The following ARHGAP6 variants were observed in gnomAD, a reference collection of about 807,000 sequenced individuals.
ARHGAP6 encodes Rho GTPase activating protein 6, also known as rho GTPase-activating protein 6.
ARHGAP6 carries 16 observed loss-of-function variants against 55.7 expected under a neutral mutation model. The observed-to-expected ratio is 0.29, with a 90% confidence interval of 0.19 to 0.44. The LOEUF (loss-of-function observed/expected upper bound fraction) is 0.44. Ranked by LOEUF, ARHGAP6 falls within the 20% of genes least tolerant of loss-of-function variation. The probability of loss-of-function intolerance (pLI) is 1.00; values close to 1 mark genes in which losing one functional copy is unlikely to be tolerated. For synonymous variants in ARHGAP6, 382 were observed against 360.9 expected (o/e 1.06, Z -0.66); for missense variants, 698 against 808.9 (o/e 0.86, Z 1.66).
rs754403037 is a variant in ARHGAP6 at position 11,505,204 on chromosome X, C to T, written c.588+159037G>A. ...TGGCAGCCTAGGCAGGTTGTGTTCC[C>T]CTTGTTTTATGCTTGGGTTAGTCAA... On this transcript the variant is annotated intron_variant, in intron 1 of 12. Coordinates refer to ENST00000337414, the MANE Select transcript of ARHGAP6 (RefSeq NM_013427.3). Among the ~76,000 whole-genome samples the T allele has an allele frequency of 8.9e-4, 99 of 110,796 alleles. No homozygotes were observed. The Middle Eastern group carries it at 0.014, about 16-fold the overall frequency.
At chrX:11,377,082 T>C (rs2049209906) in intron 1 of ARHGAP6, among the ~76,000 whole-genome samples, 1 of 112,068 alleles carries the variant, frequency 8.9e-6, no homozygotes, top group African/African-American at 3.2e-5. Context: ...GTGAGTCCCA[T>C]ACCTCATGCT....
intron 1 of ARHGAP6, among the ~76,000 whole-genome samples, chrX:11,354,409 A>C (rs1220899675): frequency 1.0e-5 from 1 of 99,446 alleles, no homozygotes; most frequent in Non-Finnish European, 2.0e-5. Context: ...CACCACTATC[A>C]TCACCACCAT....
intron 1 of ARHGAP6, chrX:11,298,038 G>A: frequency 9.5e-7 from 1 of 1,054,934 alleles, no homozygotes; most frequent in Non-Finnish European, 1.3e-6. Context: ...TGTGATGGAT[G>A]TAAACACAGT....
chrX:11,656,677 C>A (rs1260744479), intron 1 of ARHGAP6, among the ~76,000 whole-genome samples: 2 of 111,513 alleles, frequency 1.8e-5, no homozygotes, highest in Non-Finnish European at 3.8e-5. Context: ...TGCCTACTTT[C>A]ATCCTCATAT....
intron 9 of ARHGAP6, among the ~76,000 whole-genome samples, chrX:11,164,020 G>T (rs1471327560): frequency 8.9e-6 from 1 of 112,907 alleles, no homozygotes; most frequent in Non-Finnish European, 1.9e-5. Context: ...ACAGGGCCAA[G>T]TGAGCAGACT....
intron 1 of ARHGAP6, among the ~76,000 whole-genome samples, chrX:11,406,297 T>C (rs2049607708): frequency 9.0e-6 from 1 of 111,392 alleles, no homozygotes; most frequent in Non-Finnish European, 1.9e-5. Context: ...TGCCCATTGC[T>C]GATCCCCTGG....
At chrX:11,171,083 G>C (rs770003102) in intron 8 of ARHGAP6, among the ~76,000 whole-genome samples, 4 of 111,573 alleles carry the variant, frequency 3.6e-5, no homozygotes, top group Non-Finnish European at 5.6e-5. Context: ...AGATATCACA[G>C]AGAAGGAGGA....
chrX:11,506,487 G>A (rs1313991734), intron 1 of ARHGAP6, among the ~76,000 whole-genome samples: 2 of 110,038 alleles, frequency 1.8e-5, no homozygotes, highest in African/African-American at 6.6e-5. Flanking sequence ...GACAACATGT[G>A]GTGTTTGGTT....
At chrX:11,371,205 C>T (rs1051148472) in intron 1 of ARHGAP6, among the ~76,000 whole-genome samples, 2 of 111,729 alleles carry the variant, frequency 1.8e-5, no homozygotes, top group African/African-American at 6.5e-5. Context: ...TAAGTGTTTC[C>T]CTCACCAGAT....
chrX:11,282,175 T>C (rs764567118), intron 1 of ARHGAP6, among the ~76,000 whole-genome samples: 1 of 112,114 alleles, frequency 8.9e-6, no homozygotes, highest in East Asian at 2.8e-4. Context: ...AACCATATAC[T>C]CAGAGGAAGG....
Position 11,276,637 on chromosome X carries a change from A to T in ARHGAP6, c.589-21930T>A, listed in dbSNP as rs951607195. ...ACACCAAATGCAGGTATGACGTGAA[A>T]ACAAGCCATCTGCACTTACTGGTTC... On this transcript the variant is annotated intron_variant, in intron 1 of 12. Transcript: ENST00000337414. Among the ~76,000 whole-genome samples the T allele has an allele frequency of 4.5e-5, 5 of 111,700 alleles. No homozygotes were observed. In the East Asian group the frequency reaches 1.4e-3, roughly 31 times the overall value.
intron 1 of ARHGAP6, among the ~76,000 whole-genome samples, chrX:11,266,205 AAAATCCTCT>A (rs2047626287): frequency 1.8e-5 from 2 of 110,440 alleles, no homozygotes; most frequent in East Asian, 5.7e-4. Flanking sequence ...TCCTCTAAAA[AAAATCCTCT>A]TTTCCACAGG....
At chrX:11,222,016 G>T (rs2046979508) in intron 2 of ARHGAP6, among the ~76,000 whole-genome samples, 1 of 110,727 alleles carries the variant, frequency 9.0e-6, no homozygotes, top group African/African-American at 3.3e-5. Flanking sequence ...TTCTGATTTT[G>T]TTTTCTTTAA....
chrX:11,496,260 C>T (rs1430125072), intron 1 of ARHGAP6, among the ~76,000 whole-genome samples: 2 of 112,657 alleles, frequency 1.8e-5, no homozygotes, highest in Non-Finnish European at 1.9e-5. Context: ...AATGTTCTTA[C>T]TATTTAAGCA....
intron 1 of ARHGAP6, among the ~76,000 whole-genome samples, chrX:11,340,224 T>C (rs1232525154): frequency 8.9e-6 from 1 of 111,902 alleles, no homozygotes. Context: ...TACATACACC[T>C]TAGTGAAGCT....
intron 1 of ARHGAP6, among the ~76,000 whole-genome samples, chrX:11,559,649 C>T (rs1440709653): frequency 1.8e-5 from 2 of 111,222 alleles, no homozygotes; most frequent in Non-Finnish European, 3.8e-5. Flanking sequence ...GTAGGAGGGC[C>T]GGGCGCGGTG....
intron 1 of ARHGAP6, among the ~76,000 whole-genome samples, chrX:11,577,922 T>C (rs765459976): frequency 1.5e-4 from 17 of 111,431 alleles, no homozygotes; most frequent in African/African-American, 5.2e-4. Flanking sequence ...AGCCTATGAC[T>C]GTCTCAGGGG....
At position 11,179,381 on chromosome X, in the gene ARHGAP6, G is replaced by A. The variant is rs1018087869; in HGVS notation, c.1401C>T (p.Ala467=). The A allele has an allele frequency of 8.3e-7, 1 of 1,210,477 alleles. No individual in the cohort carries two copies. The highest frequency in any genetic ancestry group is 1.1e-6 in the Non-Finnish European group (1 of 895,065). The change falls in exon 7 of 13, where the codon GCC becomes GCT. Residue 467 remains alanine, a synonymous_variant. Coordinates refer to ENST00000337414, the MANE Select transcript of ARHGAP6 (RefSeq NM_013427.3). ...TGTCCCTCAGGAACTCTTTCAGCAA[G>A]GCTGCCACATCATGAACACTGTGCT... is the stretch of plus-strand genomic sequence containing the variant. The part of the protein sequence containing the change: ...EEEHSVHDVA[A]LLKEFLRDMP...
chrX:11,425,857 T>C (rs2049873584), intron 1 of ARHGAP6, among the ~76,000 whole-genome samples: 1 of 111,817 alleles, frequency 8.9e-6, no homozygotes, highest in African/African-American at 3.3e-5. Context: ...CTCTTGCAAA[T>C]GGCAAAGACC....
Sources: gnomAD v4.1 joint callset for allele counts (sites outside exome capture counted in the v4.1 genomes callset) on GRCh38, gnomAD v4.1.1 for gene constraint, MANE v1.5 for transcripts, NCBI Gene and HGNC (gene_info 2026-07-23, HGNC 2026-07-21) for gene names.